HRH2: variants seen among roughly 807,000 people sequenced by gnomAD.
The protein encoded by HRH2 is histamine H2 receptor.
HRH2 carries 4 observed loss-of-function variants against 20.1 expected under a neutral mutation model. The observed-to-expected ratio is 0.20, with a 90% CI of 0.10 to 0.45. HRH2 has a LOEUF of 0.45. HRH2 is among the 20% of genes least tolerant of loss of function. The pLI, the probability that HRH2 is intolerant of heterozygous loss-of-function variation, is 0.99. For missense variants in HRH2, 250 were observed against 461.6 expected (o/e 0.54, Z 4.20); for synonymous variants, 197 against 200.7 (o/e 0.98, Z 0.16).
At chr5:175,704,058 G>C (rs1756866968) in intron 2 of HRH2, 1 of 152,012 alleles carries the variant, frequency 6.6e-6, no homozygotes, top group South Asian at 2.1e-4. Context: ...TTGCAAATGA[G>C]TTCTACCAGA....
rs1449221978 is a variant in HRH2, at chr5:175,693,218, G to C, written c.1076+8909G>C. 2.6e-5 allele frequency among the ~76,000 whole-genome samples: 4 copies of C among 152,222 alleles called. No individual in the cohort carries two copies. Reference sequence around the variant, plus strand: ...CTGTTTTGGGGGCTTCATTACGCTCGCAGTGGCTGTTTGTGGCAGAGCATT... The same window carrying C: ...CTGTTTTGGGGGCTTCATTACGCTCCCAGTGGCTGTTTGTGGCAGAGCATT... On this transcript the variant is annotated intron_variant, in intron 2 of 2. Transcript: ENST00000636584. The surrounding 1 kb of genome is among the most constrained non-coding windows in gnomAD (Gnocchi z 4.4).
At chr5:175,673,773 C>T (rs1046543817) in intron 1 of HRH2, among the ~76,000 whole-genome samples, 2 of 151,236 alleles carry the variant, frequency 1.3e-5, no homozygotes, top group African/African-American at 2.4e-5. Flanking sequence ...GCGCAATCTC[C>T]GCTCAATGCA....
chr5:175,689,957 G>C (rs2113532133), intron 2 of HRH2, among the ~76,000 whole-genome samples: 1 of 152,332 alleles, frequency 6.6e-6, no homozygotes, highest in East Asian at 1.9e-4. Context: ...TCCAATCTCA[G>C]AAGATGAGGC....
At chr5:175,707,313 T>A (rs185082313) in intron 2 of HRH2, among the ~76,000 whole-genome samples, 147 of 152,062 alleles carry the variant, frequency 9.7e-4, no homozygotes, top group Admixed American at 2.0e-3. Context: ...ACCTATAGTG[T>A]CAGCTACTCG....
rs1476677195 is a variant in HRH2, at chr5:175,707,915, C to A, written c.1213C>A (p.Pro405Thr). 4 of 399,042 alleles carry A rather than the reference C, an allele frequency of 1.0e-5. No individual in the cohort carries two copies. Among genetic ancestry groups the A allele is most frequent in the Non-Finnish European group, 1.8e-5 (4 of 226,170 alleles). The allele number at this position is 399,042 out of a possible 1,614,324, so 24.7% of individuals were successfully genotyped here. Residue 405 changes from proline to threonine, a missense_variant, in exon 3 of 3, where the codon CCA (proline) becomes ACA (threonine). Pro to Thr is a conservative substitution (Grantham distance 38). This residue lies in a region of HRH2 where 55 missense variants were observed against 66.9 expected (regional missense o/e 0.82). Coordinates refer to ENST00000636584, the MANE Select transcript of HRH2 (RefSeq NM_001367711.1). ...ATCGGGGGAGCCACTGTCTGAGGAG[C>A]CACAGAAGAGACCTCCCCAGAAAGC... ...ELSGEPLSEE[P>T]QKRPPQKAVR...
At chr5:175,659,118 A>G (rs905575275) in intron 1 of HRH2, among the ~76,000 whole-genome samples, 32 of 152,214 alleles carry the variant, frequency 2.1e-4, no homozygotes, top group African/African-American at 7.5e-4. Context: ...CTGGGCATGA[A>G]GCAGGGCAGG....
chr5:175,697,456 C>G (rs1398814322), intron 2 of HRH2, among the ~76,000 whole-genome samples: 1 of 126,172 alleles, frequency 7.9e-6, no homozygotes, highest in African/African-American at 3.5e-5. Flanking sequence ...GAGTGAGACT[C>G]CGTCTCAAAA....
In HRH2 at chr5:175,692,249, C is replaced by A. The variant is rs972652378; in HGVS notation, c.1076+7940C>A. Among the ~76,000 whole-genome samples, 7 of 152,236 alleles carry A rather than the reference C, an allele frequency of 4.6e-5. No homozygotes were observed. In the East Asian group the frequency reaches 1.2e-3, roughly 25 times the overall value. On this transcript the variant is annotated intron_variant, in intron 2 of 2. Coordinates refer to ENST00000636584, the MANE Select transcript of HRH2 (RefSeq NM_001367711.1). ...ATAAATGGATGGAGATGGCTGTGTT[C>A]TCATAAAACTGTATATTTATGAACA... is the stretch of plus-strand genomic sequence containing the variant.
intron 2 of HRH2, among the ~76,000 whole-genome samples, chr5:175,696,767 C>T (rs2113549077): frequency 6.6e-6 from 1 of 152,322 alleles, no homozygotes; most frequent in East Asian, 1.9e-4. Flanking sequence ...CCCTTGCTGG[C>T]TCTTCTAACC....
At chr5:175,688,606 C>T (rs554580115) in intron 2 of HRH2, among the ~76,000 whole-genome samples, 3 of 152,210 alleles carry the variant, frequency 2.0e-5, no homozygotes, top group East Asian at 3.9e-4. Context: ...TGGCCTGGGC[C>T]GCCAGCCTTA....
intron 2 of HRH2, chr5:175,685,380 A>C: frequency 6.5e-7 from 1 of 1,540,910 alleles, no homozygotes; most frequent in South Asian, 1.2e-5. Flanking sequence ...GTTGCTCAAT[A>C]AATGTTGCTT....
At chr5:175,695,713 C>T (rs1756552739) in intron 2 of HRH2, among the ~76,000 whole-genome samples, 2 of 152,180 alleles carry the variant, frequency 1.3e-5, no homozygotes. Flanking sequence ...GCAAGAGGGC[C>T]CTAGAAGTGC....
intron 1 of HRH2, among the ~76,000 whole-genome samples, chr5:175,670,329 G>C (rs999701033): frequency 2.0e-5 from 3 of 151,978 alleles, no homozygotes; most frequent in Admixed American, 6.6e-5. Flanking sequence ...TCTCCTGATT[G>C]TTAAATGTTG....
rs1262918595 is a variant in HRH2, at chr5:175,677,700, G to C, written c.-525-5009G>C. The stretch of plus-strand genomic sequence containing the variant: ...AGGAGGCACCTGGAACATTTGAAGT[G>C]GTCGATGACAGGGGAAAAGTTCTGA... On this transcript the variant is annotated intron_variant, in intron 1 of 2. Transcript: ENST00000636584. The surrounding 1 kb of genome is among the most constrained non-coding windows in gnomAD (Gnocchi z 4.2). Among the ~76,000 whole-genome samples, 1 of 152,204 alleles carries C rather than the reference G, an allele frequency of 6.6e-6. No homozygotes were observed. Among genetic ancestry groups the C allele is most frequent in the Non-Finnish European group, 1.5e-5 (1 of 68,030 alleles).
In HRH2 at chr5:175,708,155, C is replaced by G; in HGVS notation, c.*184C>G. 2.5e-6 allele frequency: 1 copy of G among 392,482 alleles called. No individual in the cohort carries two copies. The highest frequency in any genetic ancestry group is 4.5e-6 in the Non-Finnish European group (1 of 222,680). The allele number at this position is 392,482 out of a possible 1,614,324, so 24.3% of individuals were successfully genotyped here. A position where few individuals can be genotyped will look rare whatever the true frequency, so the allele number is the denominator to read the frequency against. ...GCGGAACAGCCTATTCTGTGCTCAG[C>G]ATTCCCAGACAGGCACGCAAGACTC... is the stretch of plus-strand genomic sequence containing the variant. On this transcript the variant is annotated 3_prime_UTR_variant, in exon 3 of 3. Transcript: ENST00000636584.
chr5:175,666,388 A>G, intron 1 of HRH2, among the ~76,000 whole-genome samples: 1 of 152,046 alleles, frequency 6.6e-6, no homozygotes, highest in East Asian at 1.9e-4. Flanking sequence ...TGCAACAGAG[A>G]CCCCAGTTGA....
intron 1 of HRH2, among the ~76,000 whole-genome samples, chr5:175,666,103 T>C (rs1337376981): frequency 6.6e-6 from 1 of 152,000 alleles, no homozygotes; most frequent in African/African-American, 2.4e-5. Context: ...CCACTGTGGG[T>C]GCAGCCTGCC....
intron 1 of HRH2, among the ~76,000 whole-genome samples, chr5:175,674,321 A>C (rs950117065): frequency 2.0e-5 from 3 of 152,284 alleles, no homozygotes; most frequent in Middle Eastern, 3.4e-3. Flanking sequence ...TTCACCATCT[A>C]TCAAATGGGA....
intron 1 of HRH2, among the ~76,000 whole-genome samples, chr5:175,658,678 C>T (rs2113459965): frequency 6.6e-6 from 1 of 151,942 alleles, no homozygotes; most frequent in African/African-American, 2.4e-5. Context: ...ACCAGAACGA[C>T]CTGCCTTCAT....
Sources: allele counts gnomAD v4.1 joint callset (sites outside exome capture counted in the v4.1 genomes callset), GRCh38; gene constraint gnomAD v4.1.1; regional missense constraint gnomAD v4.1.1; non-coding constraint Gnocchi (gnomAD v3.1); transcripts MANE v1.5; gene names NCBI Gene and HGNC (gene_info 2026-07-23, HGNC 2026-07-21).